The following PEAK1 variants were observed in gnomAD, a reference collection of about 807,000 sequenced individuals.
PEAK1 encodes the protein pseudopodium enriched atypical kinase 1.
PEAK1 carries 54 observed loss-of-function variants against 124.7 expected under a neutral mutation model. The observed-to-expected ratio is 0.43, with a 90% CI of 0.35 to 0.54. The LOEUF (loss-of-function observed/expected upper bound fraction) is 0.54. Ranked by LOEUF, PEAK1 falls within the 20% of genes least tolerant of loss-of-function variation. PEAK1 has a pLI of 0.01. For synonymous variants in PEAK1, 719 were observed against 760.0 expected (o/e 0.95, Z 0.89); for missense variants, 2,046 against 2,134.5 (o/e 0.96, Z 0.82).
At chr15:77,377,144 G>A (rs962490358) in intron 1 of PEAK1, among the ~76,000 whole-genome samples, 1 of 152,146 alleles carries the variant, frequency 6.6e-6, no homozygotes, top group African/African-American at 2.4e-5. Flanking sequence ...CAACACTTTG[G>A]GAGACCAAGG....
At chr15:77,214,673 G>T (rs968578047) in intron 6 of PEAK1, among the ~76,000 whole-genome samples, 1 of 151,728 alleles carries the variant, frequency 6.6e-6, no homozygotes, top group Non-Finnish European at 1.5e-5. Context: ...TTATAGTTCT[G>T]CAGGCCGTAC....
At chr15:77,172,896 G>A (rs1596462459) in intron 7 of PEAK1, among the ~76,000 whole-genome samples, 1 of 152,102 alleles carries the variant, frequency 6.6e-6, no homozygotes, top group African/African-American at 2.4e-5. Context: ...GGGATCACAG[G>A]CACACACCAC....
intron 1 of PEAK1, among the ~76,000 whole-genome samples, chr15:77,391,554 T>C (rs2070460738): frequency 6.9e-6 from 1 of 145,260 alleles, no homozygotes. Context: ...CTATTAAAGA[T>C]GCTGCCAACT....
intron 2 of PEAK1, among the ~76,000 whole-genome samples, chr15:77,325,453 A>AT (rs1567262314): frequency 6.8e-6 from 1 of 147,014 alleles, no homozygotes; most frequent in African/African-American, 2.5e-5. Context: ...AAATAAATAA[A>AT]ATAATTAATA....
chr15:77,350,546 CCTT>C, intron 2 of PEAK1: 1 of 979,330 alleles, frequency 1.0e-6, no homozygotes, highest in Non-Finnish European at 1.2e-6. Flanking sequence ...TTGTGAGTCT[CCTT>C]AGTGTTAAAT....
chr15:77,267,900 C>A (rs780817643), intron 5 of PEAK1, among the ~76,000 whole-genome samples: 1 of 151,806 alleles, frequency 6.6e-6, no homozygotes, highest in Non-Finnish European at 1.5e-5. Context: ...TTCACAAAGT[C>A]GACTATTAAG....
chr15:77,179,728 C>A lies in PEAK1; in HGVS notation c.2199G>T (p.Lys733Asn). ...SYSSSHSSPA[K>N]IQRATQEPVA... The stretch of plus-strand genomic sequence containing the variant: ...CAGGCTCTTGAGTGGCTCTCTGGAT[C>A]TTTGCTGGGGAGCTGTGGCTGGAAC... Residue 733 changes from lysine (K) to asparagine (N), a missense_variant, in exon 7 of 10, where the codon AAG (lysine) becomes AAT (asparagine). Lys to Asn is a moderately conservative substitution (Grantham distance 94). Transcript: ENST00000682557. The A allele has an allele frequency of 1.9e-6, 3 of 1,613,950 alleles. No individual in the cohort carries two copies. The highest frequency in any genetic ancestry group is 2.5e-6 in the Non-Finnish European group (3 of 1,179,984).
intron 6 of PEAK1, among the ~76,000 whole-genome samples, chr15:77,225,790 ACT>A (rs1442382282): frequency 4.2e-5 from 6 of 144,544 alleles, no homozygotes; most frequent in South Asian, 2.1e-4. Context: ...TAGTTAATAT[ACT>A]CTCTGTTTTT....
At chr15:77,403,842 T>C in intron 1 of PEAK1, 1 of 984,716 alleles carries the variant, frequency 1.0e-6, no homozygotes, top group African/African-American at 1.7e-5. Flanking sequence ...CTAACCTTTA[T>C]GCCCATGCCA....
At chr15:77,171,878 A>T (rs2056536567) in intron 7 of PEAK1, among the ~76,000 whole-genome samples, 1 of 152,122 alleles carries the variant, frequency 6.6e-6, no homozygotes, top group African/African-American at 2.4e-5. Context: ...CCTAAATAAT[A>T]TTTTTTTCAA....
At chr15:77,215,655 A>G (rs1451709211) in intron 6 of PEAK1, among the ~76,000 whole-genome samples, 1 of 152,194 alleles carries the variant, frequency 6.6e-6, no homozygotes, top group Non-Finnish European at 1.5e-5. Flanking sequence ...GGTTGGTTGA[A>G]TCTACAGATG....
intron 6 of PEAK1, among the ~76,000 whole-genome samples, chr15:77,201,244 T>A (rs2152845606): frequency 7.0e-6 from 1 of 143,456 alleles, no homozygotes; most frequent in African/African-American, 2.6e-5. Flanking sequence ...TTTTTTTTTT[T>A]TTTTTTTTTT....
At chr15:77,278,585 C>A (rs1456757480) in intron 5 of PEAK1, 2 of 502,548 alleles carry the variant, frequency 4.0e-6, no homozygotes, top group Non-Finnish European at 7.9e-6. Flanking sequence ...AGAGACCAAG[C>A]CTAAAAAGGT....
chr15:77,264,057 C>A (rs1245223087), intron 5 of PEAK1, among the ~76,000 whole-genome samples: 4 of 152,122 alleles, frequency 2.6e-5, no homozygotes. Flanking sequence ...TTCAACAACC[C>A]TTCATGCTAA....
chr15:77,356,902 G>A (rs2067552980), intron 2 of PEAK1, among the ~76,000 whole-genome samples: 1 of 152,136 alleles, frequency 6.6e-6, no homozygotes, highest in African/African-American at 2.4e-5. Flanking sequence ...AAAATATCCT[G>A]TGGCTATAAA....
chr15:77,103,964 ACT>A (rs2050721411), downstream of PEAK1: 1 of 152,184 alleles, frequency 6.6e-6, no homozygotes, highest in African/African-American at 2.4e-5. Flanking sequence ...TCTCACTCAC[ACT>A]CTCTGCCCAC....
intron 9 of PEAK1, among the ~76,000 whole-genome samples, chr15:77,125,131 G>A (rs1256436100): frequency 6.6e-6 from 1 of 152,048 alleles, no homozygotes; most frequent in African/African-American, 2.4e-5. Flanking sequence ...ATTTTTTGAA[G>A]GGTCAAGAAA....
At chr15:77,209,598 A>G (rs901928957) in intron 6 of PEAK1, among the ~76,000 whole-genome samples, 1 of 152,216 alleles carries the variant, frequency 6.6e-6, no homozygotes, top group Non-Finnish European at 1.5e-5. Context: ...AAACTCTGGC[A>G]AAGTCACAAA....
intron 1 of PEAK1, among the ~76,000 whole-genome samples, chr15:77,374,130 G>A (rs1051844297): frequency 4.6e-5 from 7 of 152,160 alleles, no homozygotes; most frequent in Admixed American, 1.3e-4. Context: ...ATCACAAACA[G>A]TGATCATTAA....
Sources: allele counts gnomAD v4.1 joint callset (sites outside exome capture counted in the v4.1 genomes callset), GRCh38; gene constraint gnomAD v4.1.1; transcripts MANE v1.5; gene names NCBI Gene and HGNC (gene_info 2026-07-23, HGNC 2026-07-21).